The following CCDC33 variants were observed in gnomAD, a reference collection of about 807,000 sequenced individuals.
CCDC33 encodes coiled-coil domain containing 33, also known as coiled-coil domain-containing protein 33.
A neutral mutation model predicts 91.9 loss-of-function variants in CCDC33; 94 were observed. The ratio of observed to expected loss-of-function variants is 1.02; its 90% CI spans 0.87 to 1.21. The LOEUF (loss-of-function observed/expected upper bound fraction) is 1.21, where lower values mean the gene tolerates loss of function less well. Ranked by LOEUF, CCDC33 falls within the 50% of genes most tolerant of loss-of-function variation. CCDC33 has a pLI of 0.00. For synonymous variants in CCDC33, 396 were observed against 374.5 expected (o/e 1.06, Z -0.66); for missense variants, 940 against 935.5 (o/e 1.00, Z -0.06).
intron 18 of CCDC33, 38 bp from the exon 19 acceptor site, chr15:74,335,887 A>C: frequency 1.3e-6 from 2 of 1,497,664 alleles, no homozygotes; most frequent in Non-Finnish European, 1.9e-6. Flanking sequence ...CCCCCTGGGA[A>C]TGGGGGGTAC....
In CCDC33 at chr15:74,295,484, C is replaced by T. The variant is rs188342077; in HGVS notation, c.1096-270C>T. ...TTGAATGATAAGAAGGAGACAGCTG[C>T]GTAAGGATCCCTGAGGACCTCCAGG... On this transcript the variant is annotated intron_variant, in intron 10 of 18. Coordinates refer to ENST00000398814, the MANE Select transcript of CCDC33 (RefSeq NM_025055.5). Among the ~76,000 whole-genome samples the T allele has an allele frequency of 1.4e-4, 22 of 152,188 alleles. No individual in the cohort carries two copies. In the East Asian group the frequency reaches 2.1e-3, roughly 15 times the overall value.
At chr15:74,334,901 C>A (rs1281975158) in intron 17 of CCDC33, 74 bp from the exon 18 acceptor site, 2 of 1,224,168 alleles carry the variant, frequency 1.6e-6, no homozygotes, top group Non-Finnish European at 1.2e-6. Context: ...CAGGCTCAGG[C>A]CCTGGTTGTC....
intron 9 of CCDC33, 64 bp downstream of exon 9, chr15:74,280,865 G>A: frequency 7.3e-7 from 1 of 1,361,316 alleles, no homozygotes; most frequent in Non-Finnish European, 9.6e-7. Context: ...GCCTCACCCT[G>A]CCCCACCTCA....
chr15:74,285,927 G>A (rs56722793), intron 10 of CCDC33, among the ~76,000 whole-genome samples: 3,588 of 152,198 alleles, frequency 0.024, 130 homozygotes, highest in African/African-American at 0.083. Context: ...GTGGGGACTG[G>A]CCTTTGAGGT....
chr15:74,265,441 A>G (rs539538655), intron 3 of CCDC33, among the ~76,000 whole-genome samples: 18 of 152,160 alleles, frequency 1.2e-4, no homozygotes, highest in Admixed American at 5.9e-4. Flanking sequence ...TCCTGAAATC[A>G]TAGACTTCCA....
Position 74,244,824 on chromosome 15 carries a change from T to A in CCDC33, c.185+676T>A, listed in dbSNP as rs2075468404. On this transcript the variant is annotated intron_variant, in intron 2 of 18. Coordinates refer to ENST00000398814, the MANE Select transcript of CCDC33 (RefSeq NM_025055.5). This position sits in a 1 kb window ranked among gnomAD's most constrained non-coding sequence, Gnocchi z 4.2. Reference sequence around the variant, plus strand: ...CTGGGGACACTGAATATTTGCTCAATCTTTATTATAAAGCACCCTCCAAGG... The same window carrying A: ...CTGGGGACACTGAATATTTGCTCAAACTTTATTATAAAGCACCCTCCAAGG... Among the ~76,000 whole-genome samples the A allele has an allele frequency of 6.6e-6, 1 of 152,184 alleles. No homozygotes were observed.
intron 10 of CCDC33, among the ~76,000 whole-genome samples, chr15:74,284,047 T>C (rs1413818764): frequency 6.6e-6 from 1 of 152,230 alleles, no homozygotes; most frequent in Admixed American, 6.5e-5. Flanking sequence ...TATCTGAGAA[T>C]TGGCCAATAA....
chr15:74,320,039 G>T (rs532792795), intron 11 of CCDC33, among the ~76,000 whole-genome samples: 65 of 152,300 alleles, frequency 4.3e-4, no homozygotes, highest in Admixed American at 4.1e-3. Flanking sequence ...GGAGCAGGAA[G>T]TCTGTTTTAA....
At chr15:74,297,353 T>G (rs533937482) in intron 11 of CCDC33, among the ~76,000 whole-genome samples, 25 of 152,180 alleles carry the variant, frequency 1.6e-4, no homozygotes, top group Non-Finnish European at 3.2e-4. Flanking sequence ...CCTCTCCACA[T>G]CCTGGCCTCG....
At chr15:74,272,716 T>A (rs964880228) in intron 6 of CCDC33, 55 bp from the exon 7 acceptor site, 1 of 1,598,300 alleles carries the variant, frequency 6.3e-7, no homozygotes, top group East Asian at 2.2e-5. Flanking sequence ...GGCCCTGGGC[T>A]GCCAGGCTCA....
chr15:74,291,680 G>A (rs1267437391), intron 10 of CCDC33, among the ~76,000 whole-genome samples: 39 of 152,266 alleles, frequency 2.6e-4, no homozygotes, highest in Admixed American at 2.5e-3. Flanking sequence ...CTGCAGCCTG[G>A]CTAGTCAGTA....
rs143535551 is a variant in CCDC33, at chr15:74,247,248, A to T, written c.185+3100A>T. Among the ~76,000 whole-genome samples, 26 of 152,242 alleles carry T rather than the reference A, an allele frequency of 1.7e-4. 1 individual carries two copies. In the East Asian group the frequency reaches 3.3e-3, roughly 19 times the overall value. On this transcript the variant is annotated intron_variant, in intron 2 of 18. Coordinates refer to ENST00000398814, the MANE Select transcript of CCDC33 (RefSeq NM_025055.5). Reference sequence around the variant, plus strand: ...CTTTGGAGGCTGAGGCAGGTGGATCATCTGAGGTCAAGAGTACCCCTATAT... The same window carrying T: ...CTTTGGAGGCTGAGGCAGGTGGATCTTCTGAGGTCAAGAGTACCCCTATAT...
intron 4 of CCDC33, 97 bp from the exon 5 acceptor site, chr15:74,268,245 G>A: frequency 1.2e-6 from 1 of 860,580 alleles, no homozygotes; most frequent in Non-Finnish European, 2.0e-6. Context: ...GCGGAGCAAT[G>A]CCAAGTGATT....
intron 9 of CCDC33, 33 bp from the exon 10 acceptor site, chr15:74,281,745 A>G: frequency 6.3e-7 from 1 of 1,596,082 alleles, no homozygotes; most frequent in Non-Finnish European, 8.6e-7. Flanking sequence ...TGCCCTGGCC[A>G]GCATGGTCTG....
intron 18 of CCDC33, chr15:74,335,449 C>G (rs1184354696): frequency 7.7e-6 from 4 of 520,778 alleles, no homozygotes; most frequent in Admixed American, 6.7e-5. Context: ...GCCCTACCCC[C>G]CTGAATCCAT....
chr15:74,290,345 CTG>C (rs1359584992), intron 10 of CCDC33, among the ~76,000 whole-genome samples: 1 of 151,954 alleles, frequency 6.6e-6, no homozygotes, highest in Non-Finnish European at 1.5e-5. Flanking sequence ...GCCCAGCTAA[CTG>C]TTGTATTTTT....
At chr15:74,243,047 T>C (rs564577763) in intron 1 of CCDC33, among the ~76,000 whole-genome samples, 3 of 152,328 alleles carry the variant, frequency 2.0e-5, no homozygotes, top group African/African-American at 7.2e-5. Flanking sequence ...CAGCTCTCGT[T>C]AAGATGGTCC....
At chr15:74,313,447 C>T (rs1263355624) in intron 11 of CCDC33, among the ~76,000 whole-genome samples, 1 of 119,192 alleles carries the variant, frequency 8.4e-6, no homozygotes, top group African/African-American at 3.0e-5. Flanking sequence ...GAGACAGAGT[C>T]TCACTCTGTC....
At position 74,244,559 on chromosome 15, in the gene CCDC33, G is replaced by A. The variant is rs1164470416; in HGVS notation, c.185+411G>A. Among the ~76,000 whole-genome samples, 1 of 152,028 alleles carries A rather than the reference G, an allele frequency of 6.6e-6. No homozygotes were observed. The highest frequency in any genetic ancestry group is 1.5e-5 in the Non-Finnish European group (1 of 67,984). Reference sequence around the variant, plus strand: ...CCACCATACCCAGCCCTGGGGTAGGGTCCTCATAACCACCCTCCCCTCCTC... The same window carrying A: ...CCACCATACCCAGCCCTGGGGTAGGATCCTCATAACCACCCTCCCCTCCTC... On this transcript the variant is annotated intron_variant, in intron 2 of 18. Transcript: ENST00000398814. This position sits in a 1 kb window ranked among gnomAD's most constrained non-coding sequence, Gnocchi z 4.2.
Sources: gnomAD v4.1 joint callset for allele counts (sites outside exome capture counted in the v4.1 genomes callset) on GRCh38, gnomAD v4.1.1 for gene constraint, Gnocchi (gnomAD v3.1) non-coding constraint, MANE v1.5 for transcripts, NCBI Gene and HGNC (gene_info 2026-07-23, HGNC 2026-07-21) for gene names.